The following TMEM178A variants were observed in gnomAD, a reference collection of about 807,000 sequenced individuals.
The protein encoded by TMEM178A is transmembrane protein 178A.
TMEM178A carries 12 observed loss-of-function variants against 29.1 expected under a neutral mutation model. The observed-to-expected ratio is 0.41, with a 90% CI of 0.26 to 0.67. The LOEUF is 0.67. Among genes scored for constraint, TMEM178A ranks in the 30% least tolerant of loss-of-function variants. The pLI, the probability that TMEM178A is intolerant of heterozygous loss-of-function variation, is 0.29. For missense variants in TMEM178A, 366 were observed against 419.1 expected (o/e 0.87, Z 1.11); for synonymous variants, 210 against 187.2 (o/e 1.12, Z -0.99).
intron 1 of TMEM178A, among the ~76,000 whole-genome samples, chr2:39,699,692 A>G (rs933233863): frequency 1.3e-5 from 2 of 152,118 alleles, no homozygotes; most frequent in African/African-American, 4.8e-5. Flanking sequence ...CCTGGGTTCA[A>G]GTGACCCTCC....
At chr2:39,735,601 G>A in the TMEM178A span, among the ~76,000 whole-genome samples, 2 of 152,138 alleles carry the variant, frequency 1.3e-5, no homozygotes, top group Non-Finnish European at 2.9e-5. Context: ...CATTACTGGG[G>A]GCCTCTTGCT....
At chr2:39,724,900 C>G in the TMEM178A span, among the ~76,000 whole-genome samples, 2 of 152,202 alleles carry the variant, frequency 1.3e-5, no homozygotes, top group Non-Finnish European at 2.9e-5. Context: ...TTACAGGACT[C>G]TGTGGTGACG....
At chr2:39,718,606 T>C (rs1367988150), downstream of TMEM178A, among the ~76,000 whole-genome samples, 3 of 152,198 alleles carry the variant, frequency 2.0e-5, no homozygotes, top group Non-Finnish European at 2.9e-5. Flanking sequence ...CACTTAATCC[T>C]CTCCAAAGCT....
chr2:39,676,140 T>A (rs1315804890), intron 1 of TMEM178A, among the ~76,000 whole-genome samples: 2 of 152,326 alleles, frequency 1.3e-5, no homozygotes, highest in East Asian at 3.9e-4. Context: ...GGGTGTAATT[T>A]TAAAATATGT....
intron 3 of TMEM178A, among the ~76,000 whole-genome samples, chr2:39,712,937 GT>G (rs1164419330): frequency 2.6e-5 from 4 of 152,176 alleles, no homozygotes; most frequent in Admixed American, 1.3e-4. Flanking sequence ...TGCTACATAG[GT>G]AATCCCTACT....
At position 39,668,292 on chromosome 2, in the gene TMEM178A, C is replaced by T. The variant is rs559003738; in HGVS notation, c.400+1918C>T. ...TGTCTAGCCCAGTACTTCCGTAAGA[C>T]GGAACTCATATACTCGTTAAAAGAA... On this transcript the variant is annotated intron_variant, in intron 1 of 3. Coordinates refer to ENST00000281961, the MANE Select transcript of TMEM178A (RefSeq NM_152390.3). Among the ~76,000 whole-genome samples the T allele has an allele frequency of 9.2e-5, 14 of 152,320 alleles. No individual in the cohort carries two copies. In the East Asian group the frequency reaches 9.6e-4, roughly 10 times the overall value.
intron 3 of TMEM178A, among the ~76,000 whole-genome samples, chr2:39,710,812 C>A (rs961298210): frequency 1.3e-5 from 2 of 152,224 alleles, no homozygotes; most frequent in African/African-American, 4.8e-5. Context: ...GCTCTGCCAT[C>A]TTCATTCTGT....
At chr2:39,715,907 G>A (rs932339266) in intron 3 of TMEM178A, among the ~76,000 whole-genome samples, 3 of 152,190 alleles carry the variant, frequency 2.0e-5, no homozygotes, top group Non-Finnish European at 4.4e-5. Context: ...AGGGCGGGGA[G>A]CTTTGAATGG....
downstream of TMEM178A, among the ~76,000 whole-genome samples, chr2:39,718,280 A>C (rs1324975387): frequency 6.6e-6 from 1 of 151,852 alleles, no homozygotes; most frequent in Non-Finnish European, 1.5e-5. Flanking sequence ...TCCAGTCATA[A>C]GGATACATGG....
At chr2:39,733,450 A>G in the TMEM178A span, among the ~76,000 whole-genome samples, 2 of 152,216 alleles carry the variant, frequency 1.3e-5, no homozygotes, top group African/African-American at 2.4e-5. Flanking sequence ...TATGACGTCC[A>G]TCATCACAGG....
chr2:39,721,001 A>T (rs139571423), downstream of TMEM178A, among the ~76,000 whole-genome samples: 10 of 152,234 alleles, frequency 6.6e-5, no homozygotes, highest in Admixed American at 5.2e-4. Context: ...CTACACCTCA[A>T]TTTAAAGCGT....
chr2:39,729,703 T>A, the TMEM178A span, among the ~76,000 whole-genome samples: 20 of 152,268 alleles, frequency 1.3e-4, 1 homozygote, highest in South Asian at 4.1e-3. Context: ...TGATATTCTG[T>A]AAGTTAGGGT....
chr2:39,673,199 G>A lies in TMEM178A; in HGVS notation c.400+6825G>A, dbSNP rs887335649. ...CATGAGAGAGTCCGCCTTGGCCGTCGTCATGAAGCTGACAGCCTTTGTTTG... is the reference window on the plus strand; with the variant it reads ...CATGAGAGAGTCCGCCTTGGCCGTCATCATGAAGCTGACAGCCTTTGTTTG... On this transcript the variant is annotated intron_variant, in intron 1 of 3. Transcript: ENST00000281961. 3.9e-5 allele frequency among the ~76,000 whole-genome samples: 6 copies of A among 152,126 alleles called. No individual in the cohort carries two copies. In the East Asian group the frequency reaches 5.8e-4, roughly 15 times the overall value.
intron 1 of TMEM178A, among the ~76,000 whole-genome samples, chr2:39,700,804 C>T (rs1229869752): frequency 2.8e-5 from 4 of 145,240 alleles, no homozygotes; most frequent in Non-Finnish European, 6.1e-5. Context: ...CTTTTTAATT[C>T]TTTTTGTTGT....
chr2:39,723,119 T>C, the TMEM178A span, among the ~76,000 whole-genome samples: 5 of 152,190 alleles, frequency 3.3e-5, no homozygotes, highest in Non-Finnish European at 2.9e-5. Flanking sequence ...AAAACACCTT[T>C]TATTTCCATC....
At chr2:39,692,177 T>C (rs932103822) in intron 1 of TMEM178A, among the ~76,000 whole-genome samples, 2 of 152,014 alleles carry the variant, frequency 1.3e-5, no homozygotes, top group African/African-American at 4.8e-5. Flanking sequence ...GCAGGGGGAA[T>C]GGGAAGATGG....
intron 1 of TMEM178A, among the ~76,000 whole-genome samples, chr2:39,692,768 A>G (rs892962530): frequency 6.6e-6 from 1 of 152,204 alleles, no homozygotes; most frequent in African/African-American, 2.4e-5. Context: ...GTGACCGCCT[A>G]TTTCACAAAT....
At chr2:39,716,063 A>T (rs966973119) in intron 3 of TMEM178A, among the ~76,000 whole-genome samples, 6 of 152,200 alleles carry the variant, frequency 3.9e-5, no homozygotes. Flanking sequence ...GTATACAGGG[A>T]TAAACCAGAC....
chr2:39,735,114 T>C, the TMEM178A span, among the ~76,000 whole-genome samples: 3 of 152,200 alleles, frequency 2.0e-5, no homozygotes, highest in African/African-American at 7.2e-5. Flanking sequence ...TTCAGTGGTT[T>C]TGAGTAAAAG....
Sources: gnomAD v4.1 joint callset for allele counts (sites outside exome capture counted in the v4.1 genomes callset) on GRCh38, gnomAD v4.1.1 for gene constraint, MANE v1.5 for transcripts, NCBI Gene and HGNC (gene_info 2026-07-23, HGNC 2026-07-21) for gene names.